Variants in MME observed in about 807,000 individuals in gnomAD.
MME encodes neprilysin.
In MME, 98 loss-of-function variants were observed where a neutral mutation model predicts 113.2. The observed-to-expected ratio is 0.87, with a 90% CI of 0.74 to 1.02. MME has a LOEUF of 1.02. MME is among the 50% of genes least tolerant of loss of function. The pLI is 0.00. For missense variants in MME, 836 were observed against 896.0 expected, an observed-to-expected ratio of 0.93 and a Z score of 0.86; for synonymous variants, 292 against 300.6, an observed-to-expected ratio of 0.97 and a Z score of 0.30.
At chr3:155,139,446 A>G (rs892353897) in intron 9 of MME, among the ~76,000 whole-genome samples, 1 of 152,218 alleles carries the variant, frequency 6.6e-6, no homozygotes, top group Non-Finnish European at 1.5e-5. Flanking sequence ...TAGGTAAGTG[A>G]CCTAAAGGGG....
rs1003145537 is a variant in MME at position 155,106,883 on chromosome 3, C to T, written c.197-8111C>T. ...CCTGGGTTCCCCAACATTTCTCTGA[C>T]CTCTGTTGGACAATTCTAGAACAGT... On this transcript the variant is annotated intron_variant, in intron 3 of 22. Transcript: ENST00000360490. Among the ~76,000 whole-genome samples the T allele has an allele frequency of 7.2e-5, 11 of 152,308 alleles. No individual in the cohort carries two copies. In the South Asian group the frequency reaches 2.3e-3, roughly 32 times the overall value.
At chr3:155,159,436 TC>T (rs956373717) in intron 16 of MME, among the ~76,000 whole-genome samples, 2 of 152,040 alleles carry the variant, frequency 1.3e-5, no homozygotes, top group Non-Finnish European at 2.9e-5. Context: ...TCAAGCAGTA[TC>T]CATTTTTCCA....
intron 8 of MME, among the ~76,000 whole-genome samples, chr3:155,130,405 C>T (rs556357141): frequency 2.6e-5 from 4 of 152,124 alleles, no homozygotes; most frequent in Admixed American, 6.5e-5. Context: ...CATAAGGAGG[C>T]GGGAAAGGAA....
intron 20 of MME, among the ~76,000 whole-genome samples, chr3:155,171,381 A>G (rs975146310): frequency 6.6e-6 from 1 of 152,244 alleles, no homozygotes; most frequent in Middle Eastern, 3.4e-3. Context: ...CTGCTCATCT[A>G]GTTGGTCACA....
intron 6 of MME, 52 bp from the exon 7 acceptor site, chr3:155,116,816 T>A (rs1718654071): frequency 6.4e-7 from 1 of 1,556,422 alleles, no homozygotes; most frequent in South Asian, 1.1e-5. Context: ...TGTTATAATA[T>A]CATTAGTGAA....
chr3:155,058,447 A>C (rs1054515379), intron 1 of MME, among the ~76,000 whole-genome samples: 1 of 152,236 alleles, frequency 6.6e-6, no homozygotes. Context: ...AATCTTAACA[A>C]ATAAAATATA....
At chr3:155,091,626 C>G (rs1250919019) in intron 3 of MME, among the ~76,000 whole-genome samples, 3 of 152,092 alleles carry the variant, frequency 2.0e-5, no homozygotes, top group Non-Finnish European at 2.9e-5. Flanking sequence ...GTTGAAGGAT[C>G]CTGTTTTGTC....
chr3:155,039,593 T>C (rs1038419056), intron 1 of MME, among the ~76,000 whole-genome samples: 1 of 152,154 alleles, frequency 6.6e-6, no homozygotes, highest in African/African-American at 2.4e-5. Context: ...GGAATCTCCA[T>C]AAAATTTGCC....
intron 3 of MME, chr3:155,090,567 A>G (rs1269459265): frequency 1.3e-5 from 2 of 152,200 alleles, no homozygotes; most frequent in African/African-American, 4.8e-5. Flanking sequence ...GGGTTACTTG[A>G]ACACAAACAC....
chr3:155,064,293 A>T (rs564005220), intron 1 of MME, among the ~76,000 whole-genome samples: 1 of 152,264 alleles, frequency 6.6e-6, no homozygotes, highest in South Asian at 2.1e-4. Flanking sequence ...TGTCTCAAAA[A>T]AAAATTATAC....
intron 1 of MME, among the ~76,000 whole-genome samples, chr3:155,063,077 A>T (rs1472664959): frequency 1.4e-5 from 2 of 145,084 alleles, no homozygotes; most frequent in African/African-American, 5.0e-5. Flanking sequence ...TCAAAACTAA[A>T]TATGTAATTA....
intron 1 of MME, among the ~76,000 whole-genome samples, chr3:155,036,878 T>C (rs1713147052): frequency 6.6e-6 from 1 of 152,238 alleles, no homozygotes. Flanking sequence ...GTTTTAGTTT[T>C]AAGTTTAGCT....
At chr3:155,159,915 T>G (rs1221316180) in intron 16 of MME, among the ~76,000 whole-genome samples, 1 of 152,040 alleles carries the variant, frequency 6.6e-6, no homozygotes, top group Non-Finnish European at 1.5e-5. Context: ...GACAACTACT[T>G]GAGATATCTT....
chr3:155,058,728 T>C (rs566698577), intron 1 of MME, among the ~76,000 whole-genome samples: 68 of 152,174 alleles, frequency 4.5e-4, no homozygotes, highest in Non-Finnish European at 7.6e-4. Context: ...CAGGAAAGGA[T>C]TGAAAACTAA....
chr3:155,116,552 AAATG>A lies in MME; in HGVS notation c.437_439+1del, dbSNP rs1718622701. 1.9e-6 allele frequency: 3 copies of A among 1,606,326 alleles called. No homozygotes were observed. The highest frequency in any genetic ancestry group is 2.6e-6 in the Non-Finnish European group (3 of 1,173,734). ...CAAAAGCATTGTACAGGTCTTGTATAAATGAATGTAAGTGCTCTTCATTTGATTT... is the reference window on the plus strand; with the variant it reads ...CAAAAGCATTGTACAGGTCTTGTATAAATGTAAGTGCTCTTCATTTGATTT... On this transcript the variant is annotated frameshift_variant, in exon 5 of 23. Transcript: ENST00000360490. LOFTEE classifies it high-confidence loss of function.
intron 20 of MME, among the ~76,000 whole-genome samples, chr3:155,169,073 A>C (rs1259270826): frequency 6.6e-6 from 1 of 152,196 alleles, no homozygotes; most frequent in East Asian, 1.9e-4. Context: ...GAGCAGGTTC[A>C]CAAAGGAGGC....
intron 1 of MME, among the ~76,000 whole-genome samples, chr3:155,059,661 A>G (rs537904378): frequency 6.6e-6 from 1 of 152,334 alleles, no homozygotes; most frequent in East Asian, 1.9e-4. Context: ...CATCTGAGAT[A>G]ATTTACTAGA....
intron 3 of MME, among the ~76,000 whole-genome samples, chr3:155,086,334 T>C (rs980752348): frequency 2.6e-5 from 4 of 152,160 alleles, no homozygotes; most frequent in African/African-American, 9.7e-5. Context: ...GAGGTGGATG[T>C]GGATGTGTTT....
chr3:155,079,314 A>C (rs778438275), upstream of MME, among the ~76,000 whole-genome samples: 25 of 152,194 alleles, frequency 1.6e-4, no homozygotes, highest in Non-Finnish European at 3.1e-4. Flanking sequence ...GCGTGAGAAG[A>C]GGCAAGCATT....
Sources: allele counts gnomAD v4.1 joint callset (sites outside exome capture counted in the v4.1 genomes callset), GRCh38; gene constraint gnomAD v4.1.1; transcripts MANE v1.5; gene names NCBI Gene and HGNC (gene_info 2026-07-23, HGNC 2026-07-21).